The following EIF4G3 variants were observed in gnomAD, a reference collection of about 807,000 sequenced individuals.
EIF4G3 encodes eIF-4-gamma 3.
Under a neutral mutation model 186.4 loss-of-function variants are expected in EIF4G3, and 34 were observed. The observed-to-expected ratio is 0.18, with a 90% CI of 0.14 to 0.24. EIF4G3 has a LOEUF of 0.24. Ranked by LOEUF, EIF4G3 falls within the 10% of genes least tolerant of loss-of-function variation. The probability of loss-of-function intolerance (pLI) is 1.00; values close to 1 mark genes in which losing one functional copy is unlikely to be tolerated. For missense variants in EIF4G3, 1,536 were observed against 1,948.5 expected (o/e 0.79, Z 3.99); for synonymous variants, 673 against 679.5 (o/e 0.99, Z 0.15).
intron 4 of EIF4G3, among the ~76,000 whole-genome samples, chr1:21,026,268 A>G (rs556274494): frequency 6.6e-6 from 1 of 152,202 alleles, no homozygotes; most frequent in Non-Finnish European, 1.5e-5. Flanking sequence ...CGATTTTTGA[A>G]AAGGGTACCA....
At chr1:20,898,469 T>G (rs1312943897) in intron 16 of EIF4G3, among the ~76,000 whole-genome samples, 3 of 152,178 alleles carry the variant, frequency 2.0e-5, no homozygotes, top group African/African-American at 7.2e-5. Flanking sequence ...TAAACACATA[T>G]ATAACTACAA....
chr1:21,167,737 AAC>A (rs1272367122), intron 2 of EIF4G3, among the ~76,000 whole-genome samples: 2 of 152,142 alleles, frequency 1.3e-5, no homozygotes, highest in South Asian at 4.1e-4. Context: ...CAGCCTGGGC[AAC>A]AGAGTGAGAC....
At chr1:21,044,660 T>C (rs1369469500) in intron 4 of EIF4G3, among the ~76,000 whole-genome samples, 3 of 151,110 alleles carry the variant, frequency 2.0e-5, no homozygotes, top group Admixed American at 6.6e-5. Context: ...TTTTTTTTTT[T>C]CCTTTGAGAC....
chr1:21,004,549 T>G (rs1304395897), intron 4 of EIF4G3, among the ~76,000 whole-genome samples: 1 of 152,182 alleles, frequency 6.6e-6, no homozygotes, highest in Non-Finnish European at 1.5e-5. Context: ...CAAGGCAGTT[T>G]GTGAAGATTA....
rs573308381 is a variant in EIF4G3, at chr1:21,008,425, C to G, written c.-66-5617G>C. Reference sequence around the variant, plus strand: ...AATCTTGGCTCACTGCAACCTCCCCCTCCTGGGTCCAAGCAATTCTCCTGC... The same window carrying G: ...AATCTTGGCTCACTGCAACCTCCCCGTCCTGGGTCCAAGCAATTCTCCTGC... On this transcript the variant is annotated intron_variant, in intron 4 of 36. Coordinates refer to ENST00000602326, the MANE Select transcript of EIF4G3 (RefSeq NM_001391906.1). Among the ~76,000 whole-genome samples, 8 of 152,256 alleles carry G rather than the reference C, an allele frequency of 5.3e-5. No homozygotes were observed. The South Asian group carries it at 6.2e-4, about 12-fold the overall frequency.
At chr1:20,864,223 A>G (rs554238993) in intron 22 of EIF4G3, among the ~76,000 whole-genome samples, 2 of 152,334 alleles carry the variant, frequency 1.3e-5, no homozygotes, top group East Asian at 3.9e-4. Context: ...CAGAAGAAGA[A>G]AAAAGAATAT....
chr1:21,031,107 A>G (rs1571343986), intron 4 of EIF4G3, among the ~76,000 whole-genome samples: 1 of 151,760 alleles, frequency 6.6e-6, no homozygotes, highest in South Asian at 2.1e-4. Context: ...AATCACTTGA[A>G]CCCAGGAGGT....
intron 4 of EIF4G3, among the ~76,000 whole-genome samples, chr1:21,043,296 C>A (rs1222196298): frequency 6.6e-6 from 1 of 152,196 alleles, no homozygotes; most frequent in African/African-American, 2.4e-5. Flanking sequence ...AAATCACAAT[C>A]AGTTTGGTTC....
chr1:21,129,634 A>G (rs114406513), intron 2 of EIF4G3, among the ~76,000 whole-genome samples: 1 of 152,154 alleles, frequency 6.6e-6, no homozygotes, highest in Non-Finnish European at 1.5e-5. Context: ...GCTATGAAGC[A>G]GAGGTCCCTG....
chr1:20,944,679 TCAAA>T (rs1287654372), intron 13 of EIF4G3, among the ~76,000 whole-genome samples: 1 of 151,968 alleles, frequency 6.6e-6, no homozygotes. Flanking sequence ...TAGTAAAAAA[TCAAA>T]CAAAAGTAGA....
chr1:21,085,717 T>G (rs2095946051), intron 3 of EIF4G3, among the ~76,000 whole-genome samples: 2 of 152,106 alleles, frequency 1.3e-5, no homozygotes, highest in Non-Finnish European at 2.9e-5. Context: ...TTTCTTTTCT[T>G]TTGAGACAGT....
In EIF4G3 at chr1:21,062,564, CACAGATATAGATATAGAT is replaced by C. The variant is rs1362451355; in HGVS notation, c.-195-11588_-195-11571del. Reference sequence around the variant, plus strand: ...AGAAGACGTAAGCAGTAGATATATCCACAGATATAGATATAGATACAGATATAGATATACCTATTTTTT... The same window carrying C: ...AGAAGACGTAAGCAGTAGATATATCCACAGATATAGATATACCTATTTTTT... On this transcript the variant is annotated intron_variant, in intron 3 of 36. Coordinates refer to ENST00000602326, the MANE Select transcript of EIF4G3 (RefSeq NM_001391906.1). 1.3e-4 allele frequency among the ~76,000 whole-genome samples: 20 copies of C among 152,074 alleles called. No homozygotes were observed. In the East Asian group the frequency reaches 3.5e-3, roughly 26 times the overall value.
chr1:21,004,280 T>C (rs1432337546), intron 4 of EIF4G3, among the ~76,000 whole-genome samples: 1 of 152,206 alleles, frequency 6.6e-6, no homozygotes, highest in Non-Finnish European at 1.5e-5. Flanking sequence ...ACACGGCTCA[T>C]TTACCATATA....
chr1:20,831,110 G>GA lies in EIF4G3; in HGVS notation c.4062-1839dup, dbSNP rs993649232. On this transcript the variant is annotated intron_variant, in intron 30 of 36. Coordinates refer to ENST00000602326, the MANE Select transcript of EIF4G3 (RefSeq NM_001391906.1). ...TGTCAGGCTTTTCTTTGGGTGGAAG[G>GA]AAAAAACCACAGCCACTGGACTGAA... 9.5e-4 allele frequency among the ~76,000 whole-genome samples: 144 copies of GA among 152,158 alleles called. 2 individuals carry two copies. Among genetic ancestry groups the GA allele is most frequent in the South Asian group, 7.5e-3 (36 of 4,830 alleles).
chr1:20,948,300 T>C (rs2096058900), intron 13 of EIF4G3, among the ~76,000 whole-genome samples: 1 of 152,220 alleles, frequency 6.6e-6, no homozygotes, highest in South Asian at 2.1e-4. Flanking sequence ...CTACAGTCTG[T>C]AATTTCGCAA....
At chr1:20,934,391 A>T (rs2095444682) in intron 14 of EIF4G3, among the ~76,000 whole-genome samples, 1 of 152,132 alleles carries the variant, frequency 6.6e-6, no homozygotes, top group African/African-American at 2.4e-5. Context: ...CTGGCATGAG[A>T]CAGACAATAA....
chr1:20,928,891 C>CAAGA (rs2095124367), intron 14 of EIF4G3, among the ~76,000 whole-genome samples: 1 of 152,158 alleles, frequency 6.6e-6, no homozygotes, highest in Non-Finnish European at 1.5e-5. Flanking sequence ...TCTCCCCACT[C>CAAGA]TCTTCTCTCC....
At chr1:20,952,804 C>G (rs756496297) in intron 12 of EIF4G3, among the ~76,000 whole-genome samples, 1 of 152,020 alleles carries the variant, frequency 6.6e-6, no homozygotes, top group East Asian at 1.9e-4. Context: ...GAGCCGAGGT[C>G]GCGCCACTGC....
At chr1:21,088,553 A>G (rs184182441) in intron 3 of EIF4G3, among the ~76,000 whole-genome samples, 1 of 152,340 alleles carries the variant, frequency 6.6e-6, no homozygotes, top group Non-Finnish European at 1.5e-5. Context: ...TTTAAGAAAA[A>G]AAATCCAGAA....
Sources: allele counts gnomAD v4.1 joint callset (sites outside exome capture counted in the v4.1 genomes callset), GRCh38; gene constraint gnomAD v4.1.1; transcripts MANE v1.5; gene names NCBI Gene and HGNC (gene_info 2026-07-23, HGNC 2026-07-21).